The following RELN variants were observed in gnomAD, a reference collection of about 807,000 sequenced individuals.
RELN encodes reelin.
In RELN, 108 loss-of-function variants were observed where a neutral mutation model predicts 427.6. The ratio of observed to expected loss-of-function variants is 0.25; its 90% confidence interval spans 0.22 to 0.30. The LOEUF (loss-of-function observed/expected upper bound fraction) is 0.30. Among genes scored for constraint, RELN ranks in the 10% least tolerant of loss-of-function variants. RELN has a pLI of 1.00. For synonymous variants in RELN, 1,524 were observed against 1,513.4 expected, an observed-to-expected ratio of 1.01 and a Z score of -0.16; for missense variants, 3,715 against 4,302.8, an observed-to-expected ratio of 0.86 and a Z score of 3.82.
chr7:103,769,138 AGGGACTCT>A lies in RELN; in HGVS notation c.544+7411_544+7418del, dbSNP rs531335279. On this transcript the variant is annotated intron_variant, in intron 4 of 64. Coordinates refer to ENST00000428762, the MANE Select transcript of RELN (RefSeq NM_005045.4). The stretch of plus-strand genomic sequence containing the variant: ...ATGTACTGAACCTGTGCTTTGGGCC[AGGGACTCT>A]GGAAAGTAAGGTCACACAAGTAAAG... Among the ~76,000 whole-genome samples the A allele has an allele frequency of 2.5e-4, 38 of 152,300 alleles. 1 individual carries two copies. The East Asian group carries it at 6.7e-3, about 27-fold the overall frequency.
At chr7:103,607,364 A>C (rs1159988888) in intron 22 of RELN, among the ~76,000 whole-genome samples, 2 of 152,224 alleles carry the variant, frequency 1.3e-5, no homozygotes, top group African/African-American at 4.8e-5. Flanking sequence ...TAGTTGTGTG[A>C]GCAATCTCCA....
At chr7:103,870,344 G>A (rs7794946) in intron 2 of RELN, among the ~76,000 whole-genome samples, 21,721 of 151,452 alleles carry the variant, frequency 0.14, 1,845 homozygotes, top group East Asian at 0.34. Context: ...ATCTGGTTTC[G>A]GTTTTTTTTT....
intron 20 of RELN, among the ~76,000 whole-genome samples, chr7:103,615,454 C>T (rs112237442): frequency 2.6e-5 from 4 of 152,250 alleles, no homozygotes; most frequent in African/African-American, 9.6e-5. Flanking sequence ...AGGGATCATA[C>T]CTTATTCATC....
chr7:103,740,731 TGTGA>T (rs1351167212), intron 6 of RELN, among the ~76,000 whole-genome samples: 1 of 152,178 alleles, frequency 6.6e-6, no homozygotes, highest in Non-Finnish European at 1.5e-5. Context: ...GTAAATACAT[TGTGA>T]GTGTTTTAAC....
chr7:103,670,594 T>C (rs922000125), intron 11 of RELN, among the ~76,000 whole-genome samples: 1 of 152,070 alleles, frequency 6.6e-6, no homozygotes, highest in Admixed American at 6.6e-5. Flanking sequence ...GCCAACAGTT[T>C]AACAGTGAAG....
chr7:103,897,848 T>C (rs73712285), intron 2 of RELN, among the ~76,000 whole-genome samples: 3,213 of 152,166 alleles, frequency 0.021, 95 homozygotes, highest in African/African-American at 0.073. Context: ...AGATGACATC[T>C]GAAAACTGGC....
chr7:103,733,749 A>C (rs1229187880), intron 6 of RELN, among the ~76,000 whole-genome samples: 6 of 146,058 alleles, frequency 4.1e-5, no homozygotes, highest in Non-Finnish European at 7.5e-5. Context: ...ATGAGATCAC[A>C]TGGACACAGG....
At chr7:103,985,822 C>A (rs911326723) in intron 1 of RELN, among the ~76,000 whole-genome samples, 6 of 152,114 alleles carry the variant, frequency 3.9e-5, no homozygotes, top group Non-Finnish European at 8.8e-5. Context: ...TCAATCCAAC[C>A]ATCACACTTT....
chr7:103,726,922 T>C (rs900386868), intron 7 of RELN, among the ~76,000 whole-genome samples: 1 of 152,160 alleles, frequency 6.6e-6, no homozygotes, highest in Non-Finnish European at 1.5e-5. Flanking sequence ...GCACCTACTA[T>C]TTTAATTTGC....
At chr7:103,743,572 A>C (rs1323211293) in intron 6 of RELN, among the ~76,000 whole-genome samples, 1 of 152,212 alleles carries the variant, frequency 6.6e-6, no homozygotes. Context: ...AGGAAGATCT[A>C]CCAAGCAAAT....
chr7:103,927,232 GCC>G (rs1795764977), intron 1 of RELN, among the ~76,000 whole-genome samples: 1 of 152,082 alleles, frequency 6.6e-6, no homozygotes, highest in African/African-American at 2.4e-5. Context: ...TTTATAAAGT[GCC>G]ACTCGATACT....
chr7:103,846,241 C>A lies in RELN; in HGVS notation c.338-12569G>T, dbSNP rs1304539779. Among the ~76,000 whole-genome samples, 12 of 152,142 alleles carry A rather than the reference C, an allele frequency of 7.9e-5. No homozygotes were observed. The East Asian group carries it at 2.1e-3, about 27-fold the overall frequency. On this transcript the variant is annotated intron_variant, in intron 2 of 64. Coordinates refer to ENST00000428762, the MANE Select transcript of RELN (RefSeq NM_005045.4). ...CTGGTATGAAAACAGATATACAGAC[C>A]AATGGAACACAGCAGAGGCCTCAGA... is the stretch of plus-strand genomic sequence containing the variant.
chr7:103,762,067 G>T (rs1475308603), intron 4 of RELN, among the ~76,000 whole-genome samples: 1 of 152,108 alleles, frequency 6.6e-6, no homozygotes, highest in Non-Finnish European at 1.5e-5. Flanking sequence ...TTATTTCTCA[G>T]CGCCCCCCTA....
chr7:103,661,234 A>G, intron 12 of RELN, 142 bp downstream of exon 12: 1 of 908,190 alleles, frequency 1.1e-6, no homozygotes. Flanking sequence ...GGAGTACCAC[A>G]GGCTTCTGCT....
rs1004630072 is a variant in RELN, at chr7:103,637,306, A to G, written c.2070-838T>C. Among the ~76,000 whole-genome samples, 6 of 152,254 alleles carry G rather than the reference A, an allele frequency of 3.9e-5. No individual in the cohort carries two copies. In the South Asian group the frequency reaches 6.2e-4, roughly 16 times the overall value. ...CTCACTACATTTATAATGTTGCTCA[A>G]TTGGTATCTTTTTGAGTGGGGGATT... On this transcript the variant is annotated intron_variant, in intron 17 of 64. Coordinates refer to ENST00000428762, the MANE Select transcript of RELN (RefSeq NM_005045.4).
intron 2 of RELN, among the ~76,000 whole-genome samples, chr7:103,907,964 C>A (rs571697583): frequency 2.7e-4 from 41 of 152,070 alleles, no homozygotes; most frequent in African/African-American, 9.6e-4. Flanking sequence ...GCCCCCTTAC[C>A]CCAGCAACAG....
intron 2 of RELN, among the ~76,000 whole-genome samples, chr7:103,903,093 G>C (rs916307544): frequency 6.6e-6 from 1 of 151,980 alleles, no homozygotes; most frequent in African/African-American, 2.4e-5. Flanking sequence ...CAAACCTCAA[G>C]AGTAAACCAC....
intron 44 of RELN, 85 bp downstream of exon 44, chr7:103,540,112 G>T: frequency 6.7e-7 from 1 of 1,484,378 alleles, no homozygotes; most frequent in Non-Finnish European, 9.4e-7. Context: ...CATCTACTGA[G>T]CAAGCAGGTT....
At chr7:103,571,909 C>A (rs548430483) in intron 31 of RELN, among the ~76,000 whole-genome samples, 1 of 151,944 alleles carries the variant, frequency 6.6e-6, no homozygotes, top group African/African-American at 2.4e-5. Flanking sequence ...TGCCTCCCTG[C>A]GGATAGTATA....
Sources: allele counts gnomAD v4.1 joint callset (sites outside exome capture counted in the v4.1 genomes callset), GRCh38; gene constraint gnomAD v4.1.1; transcripts MANE v1.5; gene names NCBI Gene and HGNC (gene_info 2026-07-23, HGNC 2026-07-21).